The following ZCWPW2 variants were observed in gnomAD, a reference collection of about 807,000 sequenced individuals.
The protein encoded by ZCWPW2 is zinc finger CW-type and PWWP domain containing 2.
ZCWPW2 carries 45 observed loss-of-function variants against 46.6 expected under a neutral mutation model. That is an observed-to-expected ratio of 0.96 (90% CI 0.76 to 1.24). The LOEUF (loss-of-function observed/expected upper bound fraction) is 1.24. Ranked by LOEUF, ZCWPW2 falls within the 50% of genes most tolerant of loss-of-function variation. The pLI, the probability that ZCWPW2 is intolerant of heterozygous loss-of-function variation, is 0.00. For missense variants in ZCWPW2, 429 were observed against 403.9 expected (o/e 1.06, Z -0.53); for synonymous variants, 152 against 137.1 (o/e 1.11, Z -0.76).
intron 6 of ZCWPW2, chr3:28,510,962 G>C (rs1226530812): frequency 2.3e-6 from 1 of 430,614 alleles, no homozygotes; most frequent in Non-Finnish European, 4.6e-6. Context: ...AAGGGAACCA[G>C]ATTGAGTCTC....
intron 2 of ZCWPW2, among the ~76,000 whole-genome samples, chr3:28,406,618 CTTAGTT>C (rs1300351678): frequency 2.0e-5 from 3 of 151,946 alleles, no homozygotes; most frequent in Admixed American, 2.0e-4. Flanking sequence ...TTGTGATACT[CTTAGTT>C]TTAAACAGAC....
intron 4 of ZCWPW2, among the ~76,000 whole-genome samples, chr3:28,446,488 C>T (rs1429521623): frequency 6.6e-6 from 1 of 151,740 alleles, no homozygotes; most frequent in Non-Finnish European, 1.5e-5. Flanking sequence ...AAAGTGAAAA[C>T]ACAACACACT....
At chr3:28,400,738 G>A (rs1157387048) in intron 2 of ZCWPW2, among the ~76,000 whole-genome samples, 1 of 152,130 alleles carries the variant, frequency 6.6e-6, no homozygotes, top group Non-Finnish European at 1.5e-5. Context: ...ACAAACAAAT[G>A]CTAAGATAAT....
intron 2 of ZCWPW2, among the ~76,000 whole-genome samples, chr3:28,400,351 T>C (rs908815779): frequency 2.0e-5 from 3 of 152,042 alleles, no homozygotes; most frequent in African/African-American, 7.2e-5. Context: ...AATTTAAAAG[T>C]TTGGAAAACA....
chr3:28,477,683 CA>C (rs1699281015), intron 4 of ZCWPW2, among the ~76,000 whole-genome samples: 1 of 151,988 alleles, frequency 6.6e-6, no homozygotes, highest in African/African-American at 2.4e-5. Flanking sequence ...TGAATTAATT[CA>C]ATATGGGTCT....
intron 5 of ZCWPW2, among the ~76,000 whole-genome samples, chr3:28,480,119 C>G (rs183732294): frequency 1.3e-5 from 2 of 151,994 alleles, no homozygotes; most frequent in Admixed American, 1.3e-4. Context: ...GATATTTCTG[C>G]CCCTAGGTCT....
chr3:28,368,519 G>A lies in ZCWPW2; in HGVS notation c.-134+19316G>A, dbSNP rs184780145. The stretch of plus-strand genomic sequence containing the variant: ...TCTTCTGGCTTGTAGAGTTTCTGCC[G>A]AGAGATCAGCTGTTAGTCTGATGGG... On this transcript the variant is annotated intron_variant, in intron 1 of 9. Transcript: ENST00000383768. Among the ~76,000 whole-genome samples the A allele has an allele frequency of 9.8e-3, 1,496 of 152,210 alleles. 34 individuals carry two copies. Among genetic ancestry groups the A allele is most frequent in the African/African-American group, 0.034 (1,414 of 41,522 alleles).
chr3:28,516,949 T>C (rs925360590), intron 8 of ZCWPW2, among the ~76,000 whole-genome samples: 1 of 152,168 alleles, frequency 6.6e-6, no homozygotes, highest in Non-Finnish European at 1.5e-5. Flanking sequence ...GAGTTTGAGC[T>C]TGCAGTGATC....
chr3:28,350,382 T>A (rs1398639030), intron 1 of ZCWPW2, among the ~76,000 whole-genome samples: 2 of 152,236 alleles, frequency 1.3e-5, no homozygotes, highest in Non-Finnish European at 2.9e-5. Context: ...TATCTTTTCT[T>A]TCTGAGTAAG....
At chr3:28,364,833 T>G (rs886816114) in intron 1 of ZCWPW2, among the ~76,000 whole-genome samples, 6 of 152,152 alleles carry the variant, frequency 3.9e-5, no homozygotes, top group Non-Finnish European at 8.8e-5. Flanking sequence ...GCACCTATTG[T>G]TTCCTGACTT....
At chr3:28,355,401 T>A (rs1172243360) in intron 1 of ZCWPW2, among the ~76,000 whole-genome samples, 1 of 152,226 alleles carries the variant, frequency 6.6e-6, no homozygotes, top group Non-Finnish European at 1.5e-5. Flanking sequence ...GAAGAATCAA[T>A]ATTGTGAAAA....
chr3:28,400,917 C>A (rs563602180), intron 2 of ZCWPW2, among the ~76,000 whole-genome samples: 4 of 152,108 alleles, frequency 2.6e-5, no homozygotes, highest in Non-Finnish European at 4.4e-5. Flanking sequence ...TGGTGGCTCA[C>A]GCCTGTAATC....
intron 5 of ZCWPW2, among the ~76,000 whole-genome samples, chr3:28,487,330 G>A (rs908930427): frequency 6.6e-6 from 1 of 151,272 alleles, no homozygotes; most frequent in African/African-American, 2.4e-5. Context: ...TTTAGTTTTG[G>A]TGGTTTTTAT....
intron 4 of ZCWPW2, among the ~76,000 whole-genome samples, chr3:28,468,790 A>C (rs955500873): frequency 5.3e-5 from 8 of 152,182 alleles, no homozygotes; most frequent in African/African-American, 1.4e-4. Flanking sequence ...TTTCCTCAAC[A>C]CCAGACCTGT....
intron 6 of ZCWPW2, among the ~76,000 whole-genome samples, chr3:28,499,888 T>A (rs11712489): frequency 0.2 from 31,018 of 152,086 alleles, 3,642 homozygotes; most frequent in Middle Eastern, 0.29. Context: ...ATTTTCTGAT[T>A]TTCCTTTTAA....
intron 1 of ZCWPW2, among the ~76,000 whole-genome samples, chr3:28,362,423 AACAG>A (rs1704974292): frequency 6.6e-6 from 1 of 152,192 alleles, no homozygotes; most frequent in South Asian, 2.1e-4. Context: ...AAAGGGCATG[AACAG>A]ACACTTTTCA....
intron 6 of ZCWPW2, among the ~76,000 whole-genome samples, chr3:28,507,305 C>T (rs1223549518): frequency 6.6e-6 from 1 of 152,036 alleles, no homozygotes; most frequent in African/African-American, 2.4e-5. Context: ...ATGGTATTTC[C>T]ATTAGTACCG....
At chr3:28,473,825 A>G (rs561923205) in intron 4 of ZCWPW2, among the ~76,000 whole-genome samples, 20 of 152,240 alleles carry the variant, frequency 1.3e-4, no homozygotes, top group Non-Finnish European at 2.6e-4. Context: ...AAAAATTAAA[A>G]GAGTTGAACT....
At chr3:28,489,651 T>TTC (rs1480746320) in intron 5 of ZCWPW2, among the ~76,000 whole-genome samples, 1 of 126,488 alleles carries the variant, frequency 7.9e-6, no homozygotes, top group African/African-American at 3.0e-5. Flanking sequence ...TTCTCTCTCT[T>TTC]TCACACACAC....
Sources: gnomAD v4.1 joint callset for allele counts (sites outside exome capture counted in the v4.1 genomes callset) on GRCh38, gnomAD v4.1.1 for gene constraint, MANE v1.5 for transcripts, NCBI Gene and HGNC (gene_info 2026-07-23, HGNC 2026-07-21) for gene names.